C1QTNF3: variants seen among roughly 807,000 people sequenced by gnomAD.
The protein encoded by C1QTNF3 is complement C1q tumor necrosis factor-related protein 3.
C1QTNF3 carries 26 observed loss-of-function variants against 32.6 expected under a neutral mutation model. That is an observed-to-expected ratio of 0.80 (90% CI 0.58 to 1.11). The LOEUF (loss-of-function observed/expected upper bound fraction) is 1.11. C1QTNF3 is among the 50% of genes least tolerant of loss of function. The probability of loss-of-function intolerance (pLI) is 0.00; values close to 1 mark genes in which losing one functional copy is unlikely to be tolerated. For missense variants in C1QTNF3, 362 were observed against 398.2 expected (o/e 0.91, Z 0.77); for synonymous variants, 155 against 146.0 (o/e 1.06, Z -0.44).
the C1QTNF3 span, among the ~76,000 whole-genome samples, chr5:34,213,060 G>T: frequency 2.2e-4 from 33 of 152,312 alleles, no homozygotes; most frequent in African/African-American, 7.9e-4. Flanking sequence ...ACTAAGAGTG[G>T]ATTTCTATAT....
the C1QTNF3 span, among the ~76,000 whole-genome samples, chr5:34,112,660 C>A: frequency 2.0e-5 from 3 of 152,066 alleles, no homozygotes; most frequent in African/African-American, 2.4e-5. Flanking sequence ...CAAATCGAGA[C>A]CCTGTCTCAA....
chr5:34,220,616 A>C, the C1QTNF3 span, among the ~76,000 whole-genome samples: 1 of 152,068 alleles, frequency 6.6e-6, no homozygotes, highest in East Asian at 1.9e-4. Flanking sequence ...CTTTCTAAGT[A>C]TGGAAAGACT....
chr5:34,136,056 C>G, the C1QTNF3 span, among the ~76,000 whole-genome samples: 1 of 144,928 alleles, frequency 6.9e-6, no homozygotes, highest in Non-Finnish European at 1.5e-5. Context: ...CTAGGCAATA[C>G]CATTCAGGAC....
At chr5:34,141,128 T>C in the C1QTNF3 span, among the ~76,000 whole-genome samples, 4 of 146,172 alleles carry the variant, frequency 2.7e-5, no homozygotes, top group African/African-American at 1.0e-4. Context: ...CTCCTTCTTC[T>C]TTTTTTTTTT....
the C1QTNF3 span, among the ~76,000 whole-genome samples, chr5:34,163,343 T>G: frequency 3.9e-5 from 6 of 152,226 alleles, no homozygotes; most frequent in South Asian, 1.2e-3. Flanking sequence ...ATATAAACTT[T>G]TTAAAAAGAT....
chr5:34,225,816 T>G, the C1QTNF3 span, among the ~76,000 whole-genome samples: 6 of 152,086 alleles, frequency 3.9e-5, no homozygotes, highest in African/African-American at 1.4e-4. Flanking sequence ...GACCTAAACT[T>G]ATCATTAAAG....
the C1QTNF3 span, among the ~76,000 whole-genome samples, chr5:34,147,042 C>T: frequency 6.6e-6 from 1 of 151,998 alleles, no homozygotes; most frequent in African/African-American, 2.4e-5. Flanking sequence ...ATACAAGTGG[C>T]CAAAAAGTTC....
At chr5:34,024,662 T>C (rs575986569) in intron 4 of C1QTNF3, among the ~76,000 whole-genome samples, 140 of 152,316 alleles carry the variant, frequency 9.2e-4, no homozygotes, top group African/African-American at 2.7e-3. Context: ...AAGACCAACA[T>C]ATATTTTAAA....
At chr5:34,112,561 T>C in the C1QTNF3 span, among the ~76,000 whole-genome samples, 1 of 151,746 alleles carries the variant, frequency 6.6e-6, no homozygotes, top group African/African-American at 2.4e-5. Flanking sequence ...CCTAGCTACT[T>C]GGGAAGCTGA....
At chr5:34,184,741 G>C in the C1QTNF3 span, among the ~76,000 whole-genome samples, 1 of 151,886 alleles carries the variant, frequency 6.6e-6, no homozygotes, top group South Asian at 2.1e-4. Context: ...AAAAAAATTT[G>C]AATTTTGTTT....
chr5:34,031,451 T>G (rs1424943631), intron 3 of C1QTNF3, among the ~76,000 whole-genome samples: 1 of 152,210 alleles, frequency 6.6e-6, no homozygotes, highest in Non-Finnish European at 1.5e-5. Context: ...TCTGTCTTAT[T>G]AAATACCTTA....
chr5:34,074,987 T>C, the C1QTNF3 span, among the ~76,000 whole-genome samples: 1 of 151,634 alleles, frequency 6.6e-6, no homozygotes, highest in Non-Finnish European at 1.5e-5. Flanking sequence ...CATGTAATTG[T>C]TTGTCTGCAT....
the C1QTNF3 span, among the ~76,000 whole-genome samples, chr5:34,176,856 CATGAATGAATGA>C: frequency 2.0e-5 from 3 of 148,114 alleles, no homozygotes; most frequent in African/African-American, 2.5e-5. Context: ...GACCCTATCT[CATGAATGAATGA>C]ATGAATGAAT....
chr5:34,029,370 G>A (rs1754556523), intron 3 of C1QTNF3, among the ~76,000 whole-genome samples: 1 of 151,854 alleles, frequency 6.6e-6, no homozygotes, highest in African/African-American at 2.4e-5. Flanking sequence ...AAACTCCTAG[G>A]CTCAAGAGAT....
chr5:34,085,204 C>T, the C1QTNF3 span, among the ~76,000 whole-genome samples: 1 of 149,638 alleles, frequency 6.7e-6, no homozygotes, highest in African/African-American at 2.5e-5. Flanking sequence ...ACCGTGTTGG[C>T]CAGGATGGTC....
chr5:34,024,619 G>T (rs573387445), intron 4 of C1QTNF3, among the ~76,000 whole-genome samples: 1 of 152,278 alleles, frequency 6.6e-6, no homozygotes, highest in African/African-American at 2.4e-5. Flanking sequence ...ACAGGACCTT[G>T]TCACTAAAAG....
the C1QTNF3 span, among the ~76,000 whole-genome samples, chr5:34,111,104 A>T: frequency 8.5e-5 from 13 of 152,282 alleles, no homozygotes; most frequent in Admixed American, 5.9e-4. Flanking sequence ...AAAGTATAAA[A>T]CCATATAAAA....
chr5:34,169,306 G>C, the C1QTNF3 span, among the ~76,000 whole-genome samples: 2 of 151,980 alleles, frequency 1.3e-5, no homozygotes, highest in African/African-American at 2.4e-5. Context: ...CTGTGAAGTA[G>C]AGTTATTTAT....
At chr5:34,054,570 C>T in the C1QTNF3 span, among the ~76,000 whole-genome samples, 1 of 152,178 alleles carries the variant, frequency 6.6e-6, no homozygotes, top group Admixed American at 6.5e-5. Context: ...GCCCACAGGC[C>T]ATAATTTGCA....
Sources: gnomAD v4.1 joint callset for allele counts (sites outside exome capture counted in the v4.1 genomes callset) on GRCh38, gnomAD v4.1.1 for gene constraint, MANE v1.5 for transcripts, NCBI Gene and HGNC (gene_info 2026-07-23, HGNC 2026-07-21) for gene names.